Variants in NPAS3 observed in about 807,000 individuals in gnomAD.
The protein encoded by NPAS3 is neuronal PAS domain protein 3, also known as neuronal PAS domain-containing protein 3.
A neutral mutation model predicts 73.1 loss-of-function variants in NPAS3; 14 were observed. That is an observed-to-expected ratio of 0.19 (90% CI 0.13 to 0.30). The LOEUF (loss-of-function observed/expected upper bound fraction) is 0.30, where lower values mean the gene tolerates loss of function less well. Ranked by LOEUF, NPAS3 falls within the 10% of genes least tolerant of loss-of-function variation. The pLI is 1.00. For missense variants in NPAS3, 1,096 were observed against 1,250.0 expected (o/e 0.88, Z 1.86); for synonymous variants, 620 against 541.5 (o/e 1.14, Z -2.01).
rs1325282410 is a variant in NPAS3, at chr14:33,784,741, A to ATTTTTTTTTTTTT, written c.1153+6172_1153+6173insTTTTTTTTTTTTT. On this transcript the variant is annotated intron_variant, in intron 9 of 11. Coordinates refer to ENST00000356141, the Ensembl canonical transcript of NPAS3. The stretch of plus-strand genomic sequence containing the variant: ...GTTATTTTTATTTATTTATTTATTT[A>ATTTTTTTTTTTTT]TTTATTTTTTTTTTTTTTTTTTTTT... Among the ~76,000 whole-genome samples the ATTTTTTTTTTTTT allele has an allele frequency of 1.1e-3, 80 of 72,736 alleles. 3 individuals are homozygous for ATTTTTTTTTTTTT. The highest frequency in any genetic ancestry group is 1.3e-3 in the African/African-American group (19 of 14,578). 47.7% of individuals were successfully genotyped at this position (72,736 alleles called of 152,430 possible).
At chr14:33,109,975 C>T (rs2042839784) in intron 2 of NPAS3, among the ~76,000 whole-genome samples, 3 of 151,604 alleles carry the variant, frequency 2.0e-5, no homozygotes, top group Admixed American at 2.0e-4. Flanking sequence ...TTTATAAATA[C>T]AAGCAGATGA....
chr14:33,553,950 G>A (rs1334681003), intron 4 of NPAS3, among the ~76,000 whole-genome samples: 2 of 152,152 alleles, frequency 1.3e-5, no homozygotes, highest in Non-Finnish European at 2.9e-5. Context: ...TGCATTCGGA[G>A]GGCAATATGG....
In NPAS3 at chr14:33,662,857, AATGGGGTTTTCCTT is replaced by A. The variant is rs1187099780; in HGVS notation, c.559-13353_559-13340del. ...GCTTGAGGAGATTTGGGGCTGAGAC[AATGGGGTTTTCCTT>A]TTTTTTTTTTTTTTTTTTTTTTTCT... On this transcript the variant is annotated intron_variant, in intron 5 of 11. Transcript: ENST00000356141. 6.0e-3 allele frequency among the ~76,000 whole-genome samples: 882 copies of A among 147,358 alleles called. 7 individuals are homozygous for A. The highest frequency in any genetic ancestry group is 0.014 in the Middle Eastern group (4 of 278).
At chr14:33,022,713 A>C (rs969347230) in intron 1 of NPAS3, among the ~76,000 whole-genome samples, 2 of 151,348 alleles carry the variant, frequency 1.3e-5, no homozygotes, top group African/African-American at 4.9e-5. Flanking sequence ...AGAAAACCCA[A>C]CTCATTGTTT....
rs35106729 is a variant in NPAS3, at chr14:33,521,513, T to TAAAAAA, written c.469-38594_469-38589dup. Among the ~76,000 whole-genome samples, 2 of 133,066 alleles carry TAAAAAA rather than the reference T, an allele frequency of 1.5e-5. 1 individual carries two copies. Among genetic ancestry groups the TAAAAAA allele is most frequent in the Non-Finnish European group, 3.2e-5 (2 of 63,082 alleles). 87.3% of individuals were successfully genotyped at this position (133,066 alleles called of 152,430 possible). ...GATGATTTGGAGAGATGATCTGCTT[T>TAAAAAA]AAAAAAAAAAAAAAAAAAAGGCACA... On this transcript the variant is annotated intron_variant, in intron 4 of 11. Coordinates refer to ENST00000356141, the Ensembl canonical transcript of NPAS3.
At chr14:33,382,104 G>A (rs1291710068) in intron 4 of NPAS3, among the ~76,000 whole-genome samples, 1 of 152,032 alleles carries the variant, frequency 6.6e-6, no homozygotes, top group Non-Finnish European at 1.5e-5. Flanking sequence ...AACTTAAGAA[G>A]CTTTAGAAAG....
chr14:33,686,259 T>C (rs979197998), intron 6 of NPAS3, among the ~76,000 whole-genome samples: 1 of 152,170 alleles, frequency 6.6e-6, no homozygotes, highest in Admixed American at 6.5e-5. Flanking sequence ...AGGAGCCCTG[T>C]CTTCCTCACT....
chr14:33,511,462 T>C (rs2053047193), intron 4 of NPAS3, among the ~76,000 whole-genome samples: 2 of 152,200 alleles, frequency 1.3e-5, no homozygotes, highest in African/African-American at 2.4e-5. Context: ...AAGGGCCAAA[T>C]TTCTAAACAA....
chr14:33,782,499 C>T (rs2077072803), intron 9 of NPAS3, among the ~76,000 whole-genome samples: 1 of 152,210 alleles, frequency 6.6e-6, no homozygotes, highest in African/African-American at 2.4e-5. Flanking sequence ...GAATTTGTCT[C>T]GAGATATCCC....
chr14:33,167,455 A>G (rs1482896050), intron 2 of NPAS3, among the ~76,000 whole-genome samples: 1 of 152,152 alleles, frequency 6.6e-6, no homozygotes, highest in Non-Finnish European at 1.5e-5. Flanking sequence ...GTATATTGTA[A>G]AGATAAATTA....
chr14:33,003,693 GA>G (rs1215282508), intron 1 of NPAS3, among the ~76,000 whole-genome samples: 1 of 152,192 alleles, frequency 6.6e-6, no homozygotes, highest in Non-Finnish European at 1.5e-5. Context: ...ACAGTTGAAT[GA>G]TTTAAGATTA....
intron 2 of NPAS3, among the ~76,000 whole-genome samples, chr14:33,060,739 G>T (rs561057895): frequency 1.8e-4 from 28 of 152,328 alleles, no homozygotes; most frequent in Non-Finnish European, 3.5e-4. Flanking sequence ...ATCAGGTGTT[G>T]TTAGCTGATG....
In NPAS3 at chr14:33,388,799, G is replaced by A. The variant is rs563397176; in HGVS notation, c.468+21531G>A. Among the ~76,000 whole-genome samples, 18 of 152,220 alleles carry A rather than the reference G, an allele frequency of 1.2e-4. No homozygotes were observed. The South Asian group carries it at 1.7e-3, about 14-fold the overall frequency. On this transcript the variant is annotated intron_variant, in intron 4 of 11. Transcript: ENST00000356141. ...AATATGAACCTAGCAATCTGTTCCC[G>A]ATACTGCTTCATGGCAGTGGTTAAG...
intron 6 of NPAS3, among the ~76,000 whole-genome samples, chr14:33,713,316 T>G (rs752095215): frequency 1.2e-4 from 18 of 152,176 alleles, no homozygotes; most frequent in Non-Finnish European, 2.2e-4. Flanking sequence ...AACATATGAG[T>G]CTCATCCTCA....
At chr14:33,614,618 G>A (rs2057856833) in intron 5 of NPAS3, among the ~76,000 whole-genome samples, 1 of 152,076 alleles carries the variant, frequency 6.6e-6, no homozygotes, top group South Asian at 2.1e-4. Context: ...AACAGTCCTG[G>A]GGGTCATATA....
intron 3 of NPAS3, among the ~76,000 whole-genome samples, chr14:33,323,750 T>A (rs550746513): frequency 5.3e-5 from 8 of 152,366 alleles, no homozygotes; most frequent in African/African-American, 1.7e-4. Context: ...GAAGTAATGC[T>A]GTATAAATTT....
intron 2 of NPAS3, among the ~76,000 whole-genome samples, chr14:33,089,784 A>C (rs2042161736): frequency 6.6e-6 from 1 of 152,212 alleles, no homozygotes; most frequent in Non-Finnish European, 1.5e-5. Flanking sequence ...AGCCCATCAG[A>C]CTAACAGCAG....
At chr14:33,338,872 AAATTT>A (rs1177022278) in intron 3 of NPAS3, among the ~76,000 whole-genome samples, 3 of 152,188 alleles carry the variant, frequency 2.0e-5, no homozygotes, top group Non-Finnish European at 4.4e-5. Context: ...TTAATAGGCA[AAATTT>A]AGGAATTTGC....
At chr14:33,440,509 C>T (rs529894889) in intron 4 of NPAS3, among the ~76,000 whole-genome samples, 8 of 152,326 alleles carry the variant, frequency 5.3e-5, no homozygotes, top group African/African-American at 1.4e-4. Context: ...TAATAGTTAA[C>T]TTCACAAATT....
Sources: gnomAD v4.1 joint callset for allele counts (sites outside exome capture counted in the v4.1 genomes callset) on GRCh38, gnomAD v4.1.1 for gene constraint, MANE v1.5 for transcripts, NCBI Gene and HGNC (gene_info 2026-07-23, HGNC 2026-07-21) for gene names.